Variants in DNAAF8 observed in about 807,000 individuals in gnomAD.
DNAAF8 encodes the protein dynein axonemal assembly factor 8.
DNAAF8 carries 61 observed loss-of-function variants against 54.6 expected under a neutral mutation model. The observed-to-expected ratio is 1.12, with a 90% CI of 0.91 to 1.38. The LOEUF is 1.38. Ranked by LOEUF, DNAAF8 falls within the 40% of genes most tolerant of loss-of-function variation. The probability of loss-of-function intolerance (pLI) is 0.00; values close to 1 mark genes in which losing one functional copy is unlikely to be tolerated. For synonymous variants in DNAAF8, 320 were observed against 270.1 expected (o/e 1.18, Z -1.81); for missense variants, 837 against 665.0 (o/e 1.26, Z -2.85).
chr16:4,741,019 A>T (rs1417387645), intron 4 of DNAAF8, among the ~76,000 whole-genome samples: 3 of 151,734 alleles, frequency 2.0e-5, no homozygotes, highest in Non-Finnish European at 4.4e-5. Flanking sequence ...TAAAAAAAAA[A>T]GAAATCATCC....
intron 2 of DNAAF8, 35 bp from the exon 3 acceptor site, chr16:4,737,765 C>A (rs2081914522): frequency 6.2e-7 from 1 of 1,611,950 alleles, no homozygotes; most frequent in East Asian, 2.2e-5. Flanking sequence ...CTGCCTGCTG[C>A]CTTGTCCTCC....
chr16:4,746,934 C>T lies in DNAAF8; in HGVS notation c.1189C>T (p.His397Tyr). Residue 397 changes from histidine to tyrosine, a missense_variant, in exon 8 of 10, where the codon CAC becomes TAC. By Grantham distance (83) the His-to-Tyr change is moderately conservative. Transcript: ENST00000299320. ...CCATTTCTCTCCCTGCAGCTCCAGC[C>T]ACAGCTCCTCTGACAGTGAGGAGGA... ...PDHLSPESSS[H>Y]SSSDSEEEEE... The T allele has an allele frequency of 6.4e-7, 1 of 1,559,716 alleles. No homozygotes were observed. The highest frequency in any genetic ancestry group is 8.7e-7 in the Non-Finnish European group (1 of 1,155,698).
In DNAAF8 at chr16:4,737,847, C is replaced by T; in HGVS notation, c.177C>T (p.Thr59=). The T allele has an allele frequency of 1.2e-6, 2 of 1,614,166 alleles. No individual in the cohort carries two copies. The highest frequency in any genetic ancestry group is 1.7e-6 in the Non-Finnish European group (2 of 1,179,964). ...TGTTCATCTTCCAGCGAAACCAAAC[C>T]TCCCTGATTCCAGACCTGTCGGAGG... ...EELFIFQRNQ[T]SLIPDLSEEL... The change falls in exon 3 of 10, where the codon ACC becomes ACT. Residue 59 remains threonine, a synonymous_variant. Transcript: ENST00000299320.
intron 3 of DNAAF8, among the ~76,000 whole-genome samples, chr16:4,739,198 GATTTT>G (rs2081929829): frequency 6.8e-6 from 1 of 146,914 alleles, no homozygotes; most frequent in African/African-American, 2.5e-5. Context: ...ATTTGCATGT[GATTTT>G]ATTTTGCTGC....
intron 1 of DNAAF8, among the ~76,000 whole-genome samples, chr16:4,735,724 G>A (rs970182950): frequency 6.6e-6 from 1 of 152,152 alleles, no homozygotes; most frequent in Non-Finnish European, 1.5e-5. Flanking sequence ...TTGGGAGGCT[G>A]AGGCAAGAGG....
intron 7 of DNAAF8, 137 bp downstream of exon 7, chr16:4,746,649 G>A (rs2082021032): frequency 2.4e-6 from 3 of 1,232,816 alleles, no homozygotes; most frequent in Non-Finnish European, 3.3e-6. Flanking sequence ...ATTGAAAAGT[G>A]CTGGCCTACA....
chr16:4,747,524 G>A lies in DNAAF8; in HGVS notation c.1462G>A (p.Ala488Thr), dbSNP rs764136544. Residue 488 changes from alanine to threonine, a missense_variant, in exon 9 of 10, where the codon GCC becomes ACC. Coordinates refer to ENST00000299320, the MANE Select transcript of DNAAF8 (RefSeq NM_139170.3). The part of the protein sequence containing the change: ...HMKLCAKGQS[A>T]QARLPRGRPR... ...GAAGCTCTGTGCCAAGGGGCAGAGCGCCCAGGCTCGACTCCCAAGAGGCAG... is the reference window on the plus strand; with the variant it reads ...GAAGCTCTGTGCCAAGGGGCAGAGCACCCAGGCTCGACTCCCAAGAGGCAG... 6.2e-6 allele frequency: 10 copies of A among 1,612,940 alleles called. No individual in the cohort carries two copies. The highest frequency in any genetic ancestry group is 5.5e-5 in the South Asian group (5 of 91,074).
At chr16:4,740,718 G>A in intron 4 of DNAAF8, 59 bp downstream of exon 4, 2 of 1,492,932 alleles carry the variant, frequency 1.3e-6, no homozygotes, top group South Asian at 2.6e-5. Context: ...CATGGCTGCT[G>A]TTCCCATGCA....
chr16:4,737,546 G>T (rs1384940071), intron 2 of DNAAF8, among the ~76,000 whole-genome samples: 1 of 152,188 alleles, frequency 6.6e-6, no homozygotes, highest in Non-Finnish European at 1.5e-5. Flanking sequence ...GCAGAACCAG[G>T]AGCCCCAGTC....
At position 4,736,552 on chromosome 16, in the gene DNAAF8, G is replaced by A. The variant is rs2081903955; in HGVS notation, c.38G>A (p.Gly13Asp). ...SNDKGMAPSL[G>D]SPWASQMGPW... ...GATAAAGGCATGGCACCCTCGCTGG[G>A]CTCTCCCTGGGCCTCCCAGATGGGG... Residue 13 changes from glycine (G) to aspartate (D), a missense_variant, in exon 2 of 10, where the codon GGC becomes GAC. By Grantham distance (94) the Gly-to-Asp change is moderately conservative. Coordinates refer to ENST00000299320, the MANE Select transcript of DNAAF8 (RefSeq NM_139170.3). 2.5e-6 allele frequency: 4 copies of A among 1,580,284 alleles called. No individual in the cohort carries two copies. Among genetic ancestry groups the A allele is most frequent in the Middle Eastern group, 1.7e-4 (1 of 5,970 alleles).
At chr16:4,736,973 A>G (rs1345136984) in intron 2 of DNAAF8, among the ~76,000 whole-genome samples, 1 of 152,094 alleles carries the variant, frequency 6.6e-6, no homozygotes, top group East Asian at 1.9e-4. Flanking sequence ...CCATTCTGCT[A>G]TTCTCCACTC....
chr16:4,747,750 C>T, intron 9 of DNAAF8, 116 bp downstream of exon 9: 1 of 1,293,440 alleles, frequency 7.7e-7, no homozygotes, highest in Non-Finnish European at 1.0e-6. Flanking sequence ...AGGCAGGGAC[C>T]CTCAGACTTT....
rs1219013566 is a variant in DNAAF8 at position 4,734,655 on chromosome 16, T to C, written c.-95T>C. The C allele has an allele frequency of 2.6e-5, 4 of 152,230 alleles. No individual in the cohort carries two copies. Among genetic ancestry groups the C allele is most frequent in the African/African-American group, 7.2e-5 (3 of 41,406 alleles). 9.4% of individuals were successfully genotyped at this position (152,230 alleles called of 1,614,324 possible). ...GGAGTGACGCGCTGGAGGCTGTTTA[T>C]AGCGCTGTCAGGACAGCGCGGGGAG... On this transcript the variant is annotated 5_prime_UTR_variant, in exon 1 of 10. Transcript: ENST00000299320.
chr16:4,748,218 A>AT (rs397855703), intron 9 of DNAAF8: 13,695 of 112,278 alleles, frequency 0.12, 1,017 homozygotes, highest in Admixed American at 0.19. Flanking sequence ...TGTCCAGCTA[A>AT]TTTTTTTTTT....
chr16:4,746,917 C>A lies in DNAAF8; in HGVS notation c.1182-10C>A. 1 of 1,541,440 alleles carries A rather than the reference C, an allele frequency of 6.5e-7. No homozygotes were observed. The highest frequency in any genetic ancestry group is 1.2e-5 in the South Asian group (1 of 82,090). The stretch of plus-strand genomic sequence containing the variant: ...TGGGCACATCCAGAAACCCATTTCT[C>A]TCCCTGCAGCTCCAGCCACAGCTCC... On this transcript the variant is annotated splice_polypyrimidine_tract_variant and intron_variant, in intron 7 of 9. Transcript: ENST00000299320.
chr16:4,736,050 C>A (rs757798805), intron 1 of DNAAF8, among the ~76,000 whole-genome samples: 1 of 151,964 alleles, frequency 6.6e-6, no homozygotes, highest in Non-Finnish European at 1.5e-5. Flanking sequence ...TCCACTGTTG[C>A]TATTTACTAA....
chr16:4,740,302 G>A lies in DNAAF8; in HGVS notation c.426G>A (p.Glu142=). ...EVSALLGMAE[E]PPRWLEGDLG... is the part of the protein sequence containing the mutation. ...GCGCTCTTCTTGGGATGGCCGAGGA[G>A]CCCCCCAGGTGGCTGGAAGGCGACC... is the stretch of plus-strand genomic sequence containing the variant. The change falls in exon 4 of 10, where the codon GAG becomes GAA. Residue 142 remains glutamate, a synonymous_variant. Transcript: ENST00000299320. The A allele has an allele frequency of 6.2e-7, 1 of 1,613,880 alleles. No homozygotes were observed. Among genetic ancestry groups the A allele is most frequent in the East Asian group, 2.2e-5 (1 of 44,848 alleles).
intron 9 of DNAAF8, among the ~76,000 whole-genome samples, chr16:4,747,870 C>A (rs936990998): frequency 2.0e-5 from 3 of 152,102 alleles, no homozygotes; most frequent in African/African-American, 7.2e-5. Flanking sequence ...GATAAAGGGG[C>A]CTGGTCCTCT....
rs367889850 is a variant in DNAAF8, at chr16:4,736,662, C to T, written c.129+19C>T. On this transcript the variant is annotated intron_variant, in intron 2 of 9. Coordinates refer to ENST00000299320, the MANE Select transcript of DNAAF8 (RefSeq NM_139170.3). ...CCCTTTGGTAAGCAAGAACTCTCTC[C>T]CTGGATGCCTTGTCCTTCCTACCAG... The T allele has an allele frequency of 1.9e-5, 30 of 1,539,104 alleles. No homozygotes were observed. The highest frequency in any genetic ancestry group is 2.5e-5 in the Non-Finnish European group (28 of 1,139,382).
Sources: allele counts gnomAD v4.1 joint callset (sites outside exome capture counted in the v4.1 genomes callset), GRCh38; gene constraint gnomAD v4.1.1; transcripts MANE v1.5; gene names NCBI Gene and HGNC (gene_info 2026-07-23, HGNC 2026-07-21).